TBC1D2B: variants seen among roughly 807,000 people sequenced by gnomAD.
TBC1D2B encodes the protein TBC1 domain family member 2B.
In TBC1D2B, 64 loss-of-function variants were observed where a neutral mutation model predicts 100.8. The ratio of observed to expected loss-of-function variants is 0.64; its 90% confidence interval spans 0.52 to 0.78. The LOEUF is 0.78. Ranked by LOEUF, TBC1D2B falls within the 30% of genes least tolerant of loss-of-function variation. The pLI, the probability that TBC1D2B is intolerant of heterozygous loss-of-function variation, is 0.00. For synonymous variants in TBC1D2B, 480 were observed against 479.7 expected (o/e 1.00, Z -0.01); for missense variants, 1,052 against 1,218.4 (o/e 0.86, Z 2.03).
At chr15:78,060,873 C>T (rs1329518254) in intron 1 of TBC1D2B, among the ~76,000 whole-genome samples, 2 of 150,690 alleles carry the variant, frequency 1.3e-5, no homozygotes, top group African/African-American at 4.9e-5. Context: ...GCCGAGATCG[C>T]GCCACTGCAC....
chr15:78,008,893 A>T, intron 10 of TBC1D2B, 104 bp downstream of exon 10: 1 of 748,214 alleles, frequency 1.3e-6, no homozygotes. Flanking sequence ...CTCTGAAGTC[A>T]CATACACAAA....
At chr15:78,012,558 GAACA>G (rs2072257919) in intron 9 of TBC1D2B, among the ~76,000 whole-genome samples, 3 of 152,262 alleles carry the variant, frequency 2.0e-5, no homozygotes, top group East Asian at 1.9e-4. Flanking sequence ...AGTGCGATGA[GAACA>G]AACAGGAAAA....
In TBC1D2B at chr15:78,003,561, G is replaced by A. The variant is rs533139478; in HGVS notation, c.2389-71C>T. On this transcript the variant is annotated intron_variant, in intron 10 of 12. Coordinates refer to ENST00000300584, the MANE Select transcript of TBC1D2B (RefSeq NM_144572.2). ...ACCGGGTAAGCAGACGAGCAGACGC[G>A]CAACCTGAGAGCCTGGGGGTGGAGC... 5.1e-4 allele frequency: 620 copies of A among 1,219,182 alleles called. 2 individuals carry two copies. The African/African-American group carries it at 7.9e-3, about 16-fold the overall frequency. The allele number at this position is 1,219,182 out of a possible 1,614,324, so 75.5% of individuals were successfully genotyped here. A position where few individuals can be genotyped will look rare whatever the true frequency, so the allele number is the denominator to read the frequency against.
intron 7 of TBC1D2B, chr15:78,017,417 A>G (rs930551187): frequency 6.5e-6 from 1 of 154,672 alleles, no homozygotes; most frequent in Non-Finnish European, 1.4e-5. Context: ...CTCCATAAAT[A>G]CAAAACTGAA....
At chr15:77,998,651 G>A in intron 12 of TBC1D2B, 2 of 344,686 alleles carry the variant, frequency 5.8e-6, no homozygotes, top group Non-Finnish European at 1.1e-5. Context: ...ACTGGGGTAA[G>A]AGTAGTGCCA....
intron 3 of TBC1D2B, among the ~76,000 whole-genome samples, chr15:78,043,704 G>A (rs573933781): frequency 9.2e-5 from 14 of 152,238 alleles, no homozygotes; most frequent in African/African-American, 2.4e-5. Flanking sequence ...ACAAAGGTAT[G>A]CACGGTGCCA....
chr15:78,045,576 T>C lies in TBC1D2B; in HGVS notation c.515-508A>G, dbSNP rs142241290. On this transcript the variant is annotated intron_variant, in intron 2 of 12. Coordinates refer to ENST00000300584, the MANE Select transcript of TBC1D2B (RefSeq NM_144572.2). ...AAAATAAAGTTTGCACATCACAGAA[T>C]AGCAGTTCAGTAAATTCACAAGCAA... 9.7e-3 allele frequency among the ~76,000 whole-genome samples: 1,484 copies of C among 152,336 alleles called. 19 individuals are homozygous for C. The highest frequency in any genetic ancestry group is 0.016 in the Non-Finnish European group (1,122 of 68,022).
Position 77,998,018 on chromosome 15 carries a change from T to C in TBC1D2B, c.*142A>G. 1.3e-6 allele frequency: 1 copy of C among 753,228 alleles called. No homozygotes were observed. Among genetic ancestry groups the C allele is most frequent in the Non-Finnish European group, 2.0e-6 (1 of 491,698 alleles). 46.7% of individuals were successfully genotyped at this position (753,228 alleles called of 1,614,324 possible). On this transcript the variant is annotated 3_prime_UTR_variant, in exon 13 of 13. Transcript: ENST00000300584. ...CCCCTGCCCCCCGCACAGTGGGAAA[T>C]GAGGAAGGGCAGCCTGGCTTGGGAC...
chr15:78,021,698 T>C (rs992228618), intron 6 of TBC1D2B, among the ~76,000 whole-genome samples: 2 of 152,168 alleles, frequency 1.3e-5, no homozygotes, highest in Non-Finnish European at 2.9e-5. Flanking sequence ...ACCTCACAAT[T>C]GTGATATGTT....
intron 1 of TBC1D2B, among the ~76,000 whole-genome samples, chr15:78,057,624 C>T (rs563723114): frequency 6.2e-4 from 94 of 151,876 alleles, no homozygotes; most frequent in African/African-American, 2.2e-3. Flanking sequence ...CCAGCCTGGG[C>T]GACAGTGAGA....
chr15:78,066,155 C>T, intron 1 of TBC1D2B: 1 of 450,716 alleles, frequency 2.2e-6, no homozygotes. Flanking sequence ...GTAGGGTCTG[C>T]CAGCCACCAT....
chr15:78,008,947 C>A, intron 10 of TBC1D2B, 50 bp downstream of exon 10: 4 of 1,317,546 alleles, frequency 3.0e-6, no homozygotes, highest in Non-Finnish European at 3.2e-6. Context: ...GGTCACATTT[C>A]AGCTGCAATT....
intron 1 of TBC1D2B, among the ~76,000 whole-genome samples, chr15:78,075,739 C>T (rs1415482143): frequency 6.6e-6 from 1 of 152,184 alleles, no homozygotes; most frequent in East Asian, 1.9e-4. Flanking sequence ...GGGAAACAGG[C>T]TGTCTGCACC....
chr15:78,004,341 C>T (rs972363169), intron 10 of TBC1D2B, among the ~76,000 whole-genome samples: 1 of 152,180 alleles, frequency 6.6e-6, no homozygotes, highest in Non-Finnish European at 1.5e-5. Context: ...CCTGTGGAAC[C>T]ATGGACAGGT....
Position 78,052,164 on chromosome 15 carries a change from T to A in TBC1D2B, c.514+1870A>T, listed in dbSNP as rs118073668. 2.0e-5 allele frequency among the ~76,000 whole-genome samples: 3 copies of A among 152,248 alleles called. No individual in the cohort carries two copies. In the East Asian group the frequency reaches 5.8e-4, roughly 29 times the overall value. The stretch of plus-strand genomic sequence containing the variant: ...AGCCAGTAGCCATCCTGACTGCAGC[T>A]CTGGGAAGGCACTGCAGTTCAGCCC... On this transcript the variant is annotated intron_variant, in intron 2 of 12. Coordinates refer to ENST00000300584, the MANE Select transcript of TBC1D2B (RefSeq NM_144572.2).
rs190955238 is a variant in TBC1D2B, at chr15:78,026,651, C to T, written c.848-1154G>A. The stretch of plus-strand genomic sequence containing the variant: ...GTATTTGGGGACAGGCATGGTGGCT[C>T]ACGCCTGTAATCCCAGCACTTTGCG... On this transcript the variant is annotated intron_variant, in intron 4 of 12. Coordinates refer to ENST00000300584, the MANE Select transcript of TBC1D2B (RefSeq NM_144572.2). Among the ~76,000 whole-genome samples, 9 of 152,292 alleles carry T rather than the reference C, an allele frequency of 5.9e-5. No homozygotes were observed. In the East Asian group the frequency reaches 1.7e-3, roughly 29 times the overall value.
chr15:78,001,396 T>C (rs879571759), intron 12 of TBC1D2B, among the ~76,000 whole-genome samples: 6 of 152,246 alleles, frequency 3.9e-5, no homozygotes, highest in Non-Finnish European at 8.8e-5. Context: ...TTGGGATTTA[T>C]GTTTGTAGGA....
At chr15:78,068,249 G>A (rs1218103151) in intron 1 of TBC1D2B, among the ~76,000 whole-genome samples, 1 of 151,968 alleles carries the variant, frequency 6.6e-6, no homozygotes, top group Non-Finnish European at 1.5e-5. Context: ...TTAAATCAAT[G>A]GAAAATTTTC....
intron 12 of TBC1D2B, chr15:77,999,211 C>G: frequency 2.3e-6 from 1 of 443,182 alleles, no homozygotes; most frequent in Non-Finnish European, 4.6e-6. Context: ...AACCAAAGGC[C>G]CAACAGACTC....
Sources: allele counts gnomAD v4.1 joint callset (sites outside exome capture counted in the v4.1 genomes callset), GRCh38; gene constraint gnomAD v4.1.1; transcripts MANE v1.5; gene names NCBI Gene and HGNC (gene_info 2026-07-23, HGNC 2026-07-21).